MBNL1: variants seen among roughly 807,000 people sequenced by gnomAD.
MBNL1 encodes muscleblind-like protein 1.
In MBNL1, 8 loss-of-function variants were observed where a neutral mutation model predicts 42.2. That is an observed-to-expected ratio of 0.19 (90% confidence interval 0.11 to 0.34). The LOEUF is 0.34. Among genes scored for constraint, MBNL1 ranks in the 10% least tolerant of loss-of-function variants. MBNL1 has a pLI of 1.00. For synonymous variants in MBNL1, 169 were observed against 173.9 expected, an observed-to-expected ratio of 0.97 and a Z score of 0.22; for missense variants, 309 against 495.3, an observed-to-expected ratio of 0.62 and a Z score of 3.57.
At chr3:152,325,213 C>T (rs2079032694) in intron 2 of MBNL1, among the ~76,000 whole-genome samples, 1 of 151,400 alleles carries the variant, frequency 6.6e-6, no homozygotes, top group South Asian at 2.1e-4. Flanking sequence ...CTCATACATT[C>T]CCTCCTCTAG....
rs553867361 is a variant in MBNL1 at position 152,433,476 on chromosome 3, C to T, written c.549+556C>T. ...CTCATAAAAGTTTTTTGCGGCCGGGCGCGGTGGCTCACACCTGTAATCCCA... is the reference window on the plus strand; with the variant it reads ...CTCATAAAAGTTTTTTGCGGCCGGGTGCGGTGGCTCACACCTGTAATCCCA... On this transcript the variant is annotated intron_variant, in intron 4 of 9. Transcript: ENST00000324210. 1.9e-3 allele frequency among the ~76,000 whole-genome samples: 294 copies of T among 152,150 alleles called. 2 individuals are homozygous for T. The highest frequency in any genetic ancestry group is 6.0e-3 in the African/African-American group (251 of 41,528).
intron 2 of MBNL1, among the ~76,000 whole-genome samples, chr3:152,258,553 A>G (rs2035776640): frequency 6.6e-6 from 1 of 152,224 alleles, no homozygotes; most frequent in African/African-American, 2.4e-5. Context: ...AAGAGCAGCC[A>G]ACAACAAAGG....
At chr3:152,447,458 T>TC (rs936901386) in intron 5 of MBNL1, among the ~76,000 whole-genome samples, 162 bp from the exon 6 acceptor site, 1 of 151,626 alleles carries the variant, frequency 6.6e-6, no homozygotes, top group African/African-American at 2.4e-5. Context: ...TTTTTTTTTT[T>TC]CCTCCTTAAT....
intron 2 of MBNL1, among the ~76,000 whole-genome samples, chr3:152,354,618 C>CA (rs2095369326): frequency 6.6e-6 from 1 of 151,318 alleles, no homozygotes; most frequent in Non-Finnish European, 1.5e-5. Context: ...CCAATTATTT[C>CA]ACCTTAATTT....
intron 1 of MBNL1, among the ~76,000 whole-genome samples, chr3:152,289,172 A>G (rs978057172): frequency 2.0e-5 from 3 of 152,142 alleles, no homozygotes; most frequent in Non-Finnish European, 2.9e-5. Flanking sequence ...ACTCATAAGC[A>G]TAGCTTTTTA....
At chr3:152,320,683 CTT>C (rs528500683) in intron 2 of MBNL1, among the ~76,000 whole-genome samples, 3 of 129,020 alleles carry the variant, frequency 2.3e-5, no homozygotes, top group Admixed American at 7.7e-5. Flanking sequence ...TTTTTTCTTT[CTT>C]TTTTTTTTTT....
At chr3:152,448,929 T>G (rs1716005820) in intron 6 of MBNL1, among the ~76,000 whole-genome samples, 1 of 152,242 alleles carries the variant, frequency 6.6e-6, no homozygotes, top group Admixed American at 6.5e-5. Context: ...ATGATATTTG[T>G]ACTTGTGAAA....
intron 6 of MBNL1, among the ~76,000 whole-genome samples, chr3:152,453,546 T>G (rs16864290): frequency 0.016 from 2,411 of 152,318 alleles, 57 homozygotes; most frequent in African/African-American, 0.055. Context: ...TTATTAGTAG[T>G]AAATCAACCC....
At chr3:152,272,077 G>A (rs527611563) in intron 1 of MBNL1, among the ~76,000 whole-genome samples, 7 of 144,552 alleles carry the variant, frequency 4.8e-5, no homozygotes, top group East Asian at 4.1e-4. Flanking sequence ...CTCTTTCATG[G>A]TGTCTAGAAA....
At chr3:152,371,930 G>C (rs2096680219) in intron 2 of MBNL1, among the ~76,000 whole-genome samples, 1 of 152,098 alleles carries the variant, frequency 6.6e-6, no homozygotes, top group Non-Finnish European at 1.5e-5. Flanking sequence ...ATCATTTTCA[G>C]GTACACCAGT....
intron 9 of MBNL1, among the ~76,000 whole-genome samples, chr3:152,460,616 AAAAAAAC>A: frequency 6.6e-6 from 1 of 151,992 alleles, no homozygotes; most frequent in Non-Finnish European, 1.5e-5. Flanking sequence ...AAGTATAAAA[AAAAAAAC>A]AAAAAAAAAA....
intron 2 of MBNL1, among the ~76,000 whole-genome samples, chr3:152,395,937 C>A (rs887651075): frequency 3.9e-5 from 6 of 152,180 alleles, no homozygotes; most frequent in Non-Finnish European, 7.3e-5. Context: ...GGCTGCACAG[C>A]AGGAGGTGAG....
intron 2 of MBNL1, among the ~76,000 whole-genome samples, chr3:152,314,301 T>A (rs1042210842): frequency 4.6e-5 from 7 of 151,624 alleles, no homozygotes; most frequent in African/African-American, 1.7e-4. Flanking sequence ...TTTTTTTTTT[T>A]CCCCCTTTCA....
intron 7 of MBNL1, among the ~76,000 whole-genome samples, chr3:152,455,952 T>G (rs1346065799): frequency 6.6e-6 from 1 of 152,236 alleles, no homozygotes; most frequent in Non-Finnish European, 1.5e-5. Context: ...AGATTTTGAA[T>G]GTCTGACTAT....
intron 2 of MBNL1, among the ~76,000 whole-genome samples, chr3:152,363,717 G>A (rs1465074125): frequency 1.5e-4 from 23 of 152,096 alleles, no homozygotes; most frequent in Non-Finnish European, 4.4e-5. Flanking sequence ...TTCCATTTTA[G>A]AGAGAGGGAA....
chr3:152,341,227 C>G (rs1015649711), intron 2 of MBNL1, among the ~76,000 whole-genome samples: 1 of 152,110 alleles, frequency 6.6e-6, no homozygotes, highest in Non-Finnish European at 1.5e-5. Context: ...ATGTGTGGCA[C>G]AGTCTCAAGC....
At chr3:152,281,566 C>A (rs747733546) in intron 1 of MBNL1, among the ~76,000 whole-genome samples, 35 of 152,074 alleles carry the variant, frequency 2.3e-4, no homozygotes, top group Non-Finnish European at 4.4e-4. Context: ...ATACCTAATA[C>A]CCTCTGCCCC....
Position 152,300,019 on chromosome 3 carries a change from C to T in MBNL1, c.-175C>T, listed in dbSNP as rs956948999. 3.8e-6 allele frequency: 2 copies of T among 521,318 alleles called. No individual in the cohort carries two copies. The highest frequency in any genetic ancestry group is 6.8e-6 in the Non-Finnish European group (2 of 295,700). 32.3% of individuals were successfully genotyped at this position (521,318 alleles called of 1,614,324 possible). ...TGAATTTCTAGTGGGAGATCTTTTC[C>T]TTGATATTGACGACACAATTTTCCA... On this transcript the variant is annotated 5_prime_UTR_variant, in exon 2 of 10. Transcript: ENST00000324210.
intron 2 of MBNL1, chr3:152,262,700 G>C (rs1235668679): frequency 2.0e-5 from 3 of 152,116 alleles, no homozygotes; most frequent in Admixed American, 1.3e-4. Flanking sequence ...GTTTCACTAC[G>C]ACATTTATAT....
Sources: gnomAD v4.1 joint callset for allele counts (sites outside exome capture counted in the v4.1 genomes callset) on GRCh38, gnomAD v4.1.1 for gene constraint, MANE v1.5 for transcripts, NCBI Gene and HGNC (gene_info 2026-07-23, HGNC 2026-07-21) for gene names.